GPRIN3: variants seen among roughly 807,000 people sequenced by gnomAD.
GPRIN3 encodes the protein G protein-regulated inducer of neurite outgrowth 3.
Under a neutral mutation model 13.7 loss-of-function variants are expected in GPRIN3, and 12 were observed. The observed-to-expected ratio is 0.87, with a 90% CI of 0.56 to 1.42. The LOEUF is 1.42. Among genes scored for constraint, GPRIN3 ranks in the 40% most tolerant of loss-of-function variants. The probability of loss-of-function intolerance (pLI) is 0.00; values close to 1 mark genes in which losing one functional copy is unlikely to be tolerated. For synonymous variants in GPRIN3, 377 were observed against 372.7 expected, an observed-to-expected ratio of 1.01 and a Z score of -0.13; for missense variants, 1,009 against 958.7, an observed-to-expected ratio of 1.05 and a Z score of -0.69.
rs1722990755 is a variant in GPRIN3, at chr4:89,243,121, T to G, written c.*4659A>C. 6.6e-6 allele frequency: 1 copy of G among 152,222 alleles called. No individual in the cohort carries two copies. Among genetic ancestry groups the G allele is most frequent in the Admixed American group, 6.5e-5 (1 of 15,282 alleles). The allele number at this position is 152,222 out of a possible 1,614,324, so 9.4% of individuals were successfully genotyped here. Reference sequence around the variant, plus strand: ...AGAATTTTTCCACTTCAATCCATCTTCATTTATGTCCTTGGTCATTGCAAA... The same window carrying G: ...AGAATTTTTCCACTTCAATCCATCTGCATTTATGTCCTTGGTCATTGCAAA... On this transcript the variant is annotated 3_prime_UTR_variant, in exon 2 of 2. Transcript: ENST00000609438.
chr4:89,263,566 C>T (rs1037886714), intron 1 of GPRIN3, among the ~76,000 whole-genome samples: 7 of 152,188 alleles, frequency 4.6e-5, no homozygotes, highest in African/African-American at 1.4e-4. Context: ...TCCCCTTCTT[C>T]CTTTTCACTC....
chr4:89,260,573 A>G (rs1280063387), intron 1 of GPRIN3, among the ~76,000 whole-genome samples: 1 of 152,264 alleles, frequency 6.6e-6, no homozygotes, highest in Non-Finnish European at 1.5e-5. Context: ...CAAATTCAAT[A>G]AGAAGCTATA....
At chr4:89,282,446 G>A (rs1281448452) in intron 1 of GPRIN3, among the ~76,000 whole-genome samples, 2 of 152,148 alleles carry the variant, frequency 1.3e-5, no homozygotes, top group Non-Finnish European at 2.9e-5. Flanking sequence ...CTATTATTGG[G>A]ATAAACTCAC....
In GPRIN3 at chr4:89,249,085, T is replaced by G; in HGVS notation, c.1026A>C (p.Ala342=). 1 of 1,614,134 alleles carries G rather than the reference T, an allele frequency of 6.2e-7. No homozygotes were observed. The highest frequency in any genetic ancestry group is 1.1e-5 in the South Asian group (1 of 91,086). Residue 342 remains alanine (A), a synonymous_variant, in exon 2 of 2, where the codon GCA becomes GCC. Coordinates refer to ENST00000609438, the MANE Select transcript of GPRIN3 (RefSeq NM_198281.3). ...CAGGAGCACGGCTTTCCTTCAGAAATGCAGTGAGGATACTGGGGCTGGTGG... is the reference window on the plus strand; with the variant it reads ...CAGGAGCACGGCTTTCCTTCAGAAAGGCAGTGAGGATACTGGGGCTGGTGG... ...SVSTSPSILT[A]FLKESRAPEH...
intron 1 of GPRIN3, among the ~76,000 whole-genome samples, chr4:89,285,626 C>G (rs1561220783): frequency 6.6e-6 from 1 of 152,198 alleles, no homozygotes; most frequent in Non-Finnish European, 1.5e-5. Flanking sequence ...TCACAAATAT[C>G]TCAACTTCCT....
intron 1 of GPRIN3, among the ~76,000 whole-genome samples, chr4:89,299,059 TTG>T: frequency 6.6e-6 from 1 of 152,274 alleles, no homozygotes; most frequent in African/African-American, 2.4e-5. Context: ...TGAACTAAAT[TTG>T]TGTTTTAAAT....
chr4:89,274,274 T>C (rs1327974307), intron 1 of GPRIN3, among the ~76,000 whole-genome samples: 5 of 152,210 alleles, frequency 3.3e-5, no homozygotes, highest in Non-Finnish European at 7.3e-5. Context: ...ACTGTGCTTG[T>C]TGAAATGAAA....
intron 1 of GPRIN3, among the ~76,000 whole-genome samples, chr4:89,305,861 C>T (rs1010728789): frequency 3.9e-5 from 6 of 152,206 alleles, no homozygotes; most frequent in South Asian, 2.1e-4. Flanking sequence ...ACTCATACAA[C>T]GCCTCAGTCC....
Position 89,248,665 on chromosome 4 carries a change from A to G in GPRIN3, c.1446T>C (p.Ser482=). The G allele has an allele frequency of 6.2e-7, 1 of 1,614,108 alleles. No individual in the cohort carries two copies. The highest frequency in any genetic ancestry group is 8.5e-7 in the Non-Finnish European group (1 of 1,179,984). ...TGGTTTCAAATTTCCCCAATCCATA[A>G]CTTGTTTCAGCTTGACTGCATGCAC... ...SISACSQAET[S]YGLGKFETRP... The change falls in exon 2 of 2, where the codon AGT becomes AGC. Residue 482 remains serine, a synonymous_variant. Coordinates refer to ENST00000609438, the MANE Select transcript of GPRIN3 (RefSeq NM_198281.3).
In GPRIN3 at chr4:89,285,602, C is replaced by T. The variant is rs949345960; in HGVS notation, c.-124+22013G>A. 3.3e-5 allele frequency among the ~76,000 whole-genome samples: 5 copies of T among 152,292 alleles called. 1 individual carries two copies. Among genetic ancestry groups the T allele is most frequent in the African/African-American group, 9.6e-5 (4 of 41,568 alleles). On this transcript the variant is annotated intron_variant, in intron 1 of 1. Transcript: ENST00000609438. ...ATTTTAATTCTGAAAATGTGTTGGA[C>T]ACCTCAGGCTGCATCACAAATATCT...
chr4:89,291,928 A>T (rs564656093), intron 1 of GPRIN3, among the ~76,000 whole-genome samples: 11 of 149,826 alleles, frequency 7.3e-5, no homozygotes, highest in Middle Eastern at 7.0e-3. Flanking sequence ...CTATTTTGAT[A>T]CTCAGCCCAC....
intron 1 of GPRIN3, among the ~76,000 whole-genome samples, chr4:89,293,636 C>T (rs1260468343): frequency 6.6e-6 from 1 of 152,174 alleles, no homozygotes; most frequent in Admixed American, 6.5e-5. Flanking sequence ...AATACAAGTT[C>T]CAGTTTATCT....
chr4:89,304,040 C>T (rs1724972291), intron 1 of GPRIN3, among the ~76,000 whole-genome samples: 1 of 152,076 alleles, frequency 6.6e-6, no homozygotes, highest in Non-Finnish European at 1.5e-5. Context: ...GACATGAAAT[C>T]AGCACCCCTT....
chr4:89,301,753 T>C (rs1724903921), intron 1 of GPRIN3, among the ~76,000 whole-genome samples: 1 of 152,202 alleles, frequency 6.6e-6, no homozygotes, highest in South Asian at 2.1e-4. Context: ...TGTAACTCTT[T>C]TTTCCTCCAG....
At chr4:89,282,335 T>G (rs766526941) in intron 1 of GPRIN3, among the ~76,000 whole-genome samples, 1 of 152,338 alleles carries the variant, frequency 6.6e-6, no homozygotes, top group South Asian at 2.1e-4. Context: ...AAATATCCTT[T>G]GTAAACAATA....
At chr4:89,288,118 T>G (rs1324520127) in intron 1 of GPRIN3, among the ~76,000 whole-genome samples, 1 of 152,162 alleles carries the variant, frequency 6.6e-6, no homozygotes, top group Non-Finnish European at 1.5e-5. Context: ...CATTGGATAG[T>G]TTTTCCCAGA....
intron 1 of GPRIN3, among the ~76,000 whole-genome samples, chr4:89,288,503 A>AGGGCAGC (rs938853140): frequency 1.3e-5 from 2 of 152,168 alleles, no homozygotes; most frequent in African/African-American, 4.8e-5. Context: ...ATTCTACATG[A>AGGGCAGC]GGGCAGCAGG....
intron 1 of GPRIN3, among the ~76,000 whole-genome samples, chr4:89,258,088 C>T (rs1367700155): frequency 6.6e-6 from 1 of 150,950 alleles, no homozygotes; most frequent in Non-Finnish European, 1.5e-5. Context: ...CCCTGAGAAC[C>T]TAGGAAGGTA....
At chr4:89,305,533 C>T (rs1033025008) in intron 1 of GPRIN3, among the ~76,000 whole-genome samples, 15 of 152,198 alleles carry the variant, frequency 9.9e-5, no homozygotes, top group African/African-American at 3.4e-4. Flanking sequence ...GAGCAGCTGC[C>T]AATGAAAGAG....
Sources: allele counts gnomAD v4.1 joint callset (sites outside exome capture counted in the v4.1 genomes callset), GRCh38; gene constraint gnomAD v4.1.1; transcripts MANE v1.5; gene names NCBI Gene and HGNC (gene_info 2026-07-23, HGNC 2026-07-21).